CCDC18: variants seen among roughly 807,000 people sequenced by gnomAD.
The protein encoded by CCDC18 is coiled-coil domain-containing protein 18.
A neutral mutation model predicts 196.0 loss-of-function variants in CCDC18; 157 were observed. The observed-to-expected ratio is 0.80, with a 90% CI of 0.70 to 0.91. The LOEUF (loss-of-function observed/expected upper bound fraction) is 0.91, where lower values mean the gene tolerates loss of function less well. Among genes scored for constraint, CCDC18 ranks in the 40% least tolerant of loss-of-function variants. The probability of loss-of-function intolerance (pLI) is 0.00; values close to 1 mark genes in which losing one functional copy is unlikely to be tolerated. For missense variants in CCDC18, 1,465 were observed against 1,611.6 expected, an observed-to-expected ratio of 0.91 and a Z score of 1.56; for synonymous variants, 482 against 529.2, an observed-to-expected ratio of 0.91 and a Z score of 1.22.
chr1:93,213,595 A>C (rs901775583), intron 11 of CCDC18, among the ~76,000 whole-genome samples: 3 of 151,996 alleles, frequency 2.0e-5, no homozygotes, highest in Admixed American at 6.6e-5. Context: ...CAAAATAGTT[A>C]TCTCTTGTGA....
intron 27 of CCDC18, 69 bp from the exon 28 acceptor site, chr1:93,270,278 A>G: frequency 2.4e-6 from 2 of 846,356 alleles, no homozygotes; most frequent in Non-Finnish European, 3.7e-6. Context: ...AAAGTCTATG[A>G]TTTTCTAAGG....
At chr1:93,218,530 GAT>G (rs926877523) in intron 14 of CCDC18, among the ~76,000 whole-genome samples, 4 of 150,996 alleles carry the variant, frequency 2.6e-5, no homozygotes, top group Admixed American at 6.6e-5. Context: ...TTTTTTTTGA[GAT>G]AGAGTCTCGC....
intron 25 of CCDC18, among the ~76,000 whole-genome samples, chr1:93,256,744 T>G (rs1478447569): frequency 2.0e-5 from 3 of 152,206 alleles, no homozygotes; most frequent in African/African-American, 7.2e-5. Context: ...AATAATGAAC[T>G]GTGTTATATA....
chr1:93,264,283 G>A (rs769205232), intron 26 of CCDC18, among the ~76,000 whole-genome samples: 13 of 152,116 alleles, frequency 8.5e-5, no homozygotes, highest in African/African-American at 2.4e-4. Flanking sequence ...ATGGGGATAC[G>A]GAGCCAAACT....
Position 93,193,162 on chromosome 1 carries a change from T to C in CCDC18, c.570-454T>C, listed in dbSNP as rs532009427. 5.9e-5 allele frequency among the ~76,000 whole-genome samples: 9 copies of C among 152,036 alleles called. No individual in the cohort carries two copies. The East Asian group carries it at 1.7e-3, about 29-fold the overall frequency. ...GGTAGCTAATGGTATTATCAGCAAA[T>C]AAAAAAAATTTTGTTTCTGAGTCAA... On this transcript the variant is annotated intron_variant, in intron 5 of 28. Transcript: ENST00000690025.
Position 93,216,632 on chromosome 1 carries a change from T to C in CCDC18, c.1720-4T>C. The C allele has an allele frequency of 7.0e-7, 1 of 1,428,670 alleles. No homozygotes were observed. Among genetic ancestry groups the C allele is most frequent in the East Asian group, 2.4e-5 (1 of 42,136 alleles). 88.5% of individuals were successfully genotyped at this position (1,428,670 alleles called of 1,614,324 possible). A position where few individuals can be genotyped will look rare whatever the true frequency, so the allele number is the denominator to read the frequency against. On this transcript the variant is annotated splice_polypyrimidine_tract_variant and splice_region_variant and intron_variant, in intron 12 of 28. Coordinates refer to ENST00000690025, the MANE Select transcript of CCDC18 (RefSeq NM_001378204.1). ...ATTTTACATTTATTTCAATGTGTTTTCAGATGACAAAGAAATGTTCTCAAC... is the reference window on the plus strand; with the variant it reads ...ATTTTACATTTATTTCAATGTGTTTCCAGATGACAAAGAAATGTTCTCAAC...
chr1:93,270,492 C>A lies in CCDC18; in HGVS notation c.4031C>A (p.Ser1344Tyr), dbSNP rs879056968. Reference protein sequence around the residue: ...DPKFAKCFHTSFSKCTKLRRS... With the variant: ...DPKFAKCFHTYFSKCTKLRRS... The stretch of plus-strand genomic sequence containing the variant: ...AAATTTGCTAAATGTTTTCACACAT[C>A]TTTTTCCAAGTGTACAAAATTACGT... Residue 1344 changes from serine (S) to tyrosine (Y), a missense_variant, in exon 28 of 29, where the codon TCT (serine) becomes TAT (tyrosine). Ser to Tyr is a moderately radical substitution (Grantham distance 144, BLOSUM62 -2). Transcript: ENST00000690025. The A allele has an allele frequency of 1.9e-6, 3 of 1,550,366 alleles. No individual in the cohort carries two copies. The highest frequency in any genetic ancestry group is 2.4e-5 in the South Asian group (2 of 84,056).
chr1:93,210,992 A>C, intron 10 of CCDC18, 66 bp downstream of exon 10: 1 of 1,545,486 alleles, frequency 6.5e-7, no homozygotes, highest in Non-Finnish European at 8.9e-7. Context: ...AAGACCCTTA[A>C]TTGGCCGGGC....
chr1:93,210,909 G>A lies in CCDC18; in HGVS notation c.1317G>A (p.Leu439=). ...RCIGCCEANK[L]VISELRIKLA... is the part of the protein sequence containing the mutation. ...TTGGCTGCTGTGAGGCAAATAAATTGGTGATTTCGGAATTGAGGTACAATT... is the reference window on the plus strand; with the variant it reads ...TTGGCTGCTGTGAGGCAAATAAATTAGTGATTTCGGAATTGAGGTACAATT... Residue 439 remains leucine (L), a synonymous_variant, in exon 10 of 29, where the codon TTG becomes TTA. Coordinates refer to ENST00000690025, the MANE Select transcript of CCDC18 (RefSeq NM_001378204.1). The A allele has an allele frequency of 6.2e-7, 1 of 1,613,654 alleles. No individual in the cohort carries two copies. The highest frequency in any genetic ancestry group is 1.1e-5 in the South Asian group (1 of 91,036).
chr1:93,217,931 C>A, intron 14 of CCDC18, 62 bp downstream of exon 14: 2 of 1,356,262 alleles, frequency 1.5e-6, no homozygotes, highest in Non-Finnish European at 1.0e-6. Context: ...CTAGCCCCAG[C>A]ATTTTTTATT....
At chr1:93,268,633 C>G (rs890466344) in intron 27 of CCDC18, among the ~76,000 whole-genome samples, 3 of 152,044 alleles carry the variant, frequency 2.0e-5, no homozygotes, top group African/African-American at 4.8e-5. Context: ...ACAGACACTT[C>G]TCAAAAGAAG....
chr1:93,250,810 A>T (rs1662138138), intron 23 of CCDC18, among the ~76,000 whole-genome samples: 1 of 152,138 alleles, frequency 6.6e-6, no homozygotes, highest in Non-Finnish European at 1.5e-5. Context: ...ATTTGAATGG[A>T]ACATCTTTTT....
chr1:93,193,535 T>C, intron 5 of CCDC18, 81 bp from the exon 6 acceptor site: 1 of 908,370 alleles, frequency 1.1e-6, no homozygotes, highest in East Asian at 3.1e-5. Context: ...TAAACAAATA[T>C]AATTCCTAAT....
chr1:93,253,727 C>G (rs1165024382), intron 23 of CCDC18, among the ~76,000 whole-genome samples: 7 of 152,190 alleles, frequency 4.6e-5, no homozygotes, highest in Admixed American at 4.6e-4. Context: ...TTATGGACCC[C>G]TTTTCAGATG....
chr1:93,242,579 C>T (rs1660960357), intron 21 of CCDC18, among the ~76,000 whole-genome samples: 1 of 152,208 alleles, frequency 6.6e-6, no homozygotes, highest in African/African-American at 2.4e-5. Flanking sequence ...GCCTTCCCAA[C>T]AGTCTCTCAA....
Position 93,214,813 on chromosome 1 carries a change from T to C in CCDC18, c.1566T>C (p.Val522=). 1 of 1,613,544 alleles carries C rather than the reference T, an allele frequency of 6.2e-7. No homozygotes were observed. The highest frequency in any genetic ancestry group is 1.1e-5 in the South Asian group (1 of 91,056). ...ATGAAAAAGAGAGGCAAAGACTTGT[T>C]ACTGGAATAGAAGAACTACGTACTA... ...KQYEKERQRL[V]TGIEELRTKL... The change falls in exon 12 of 29, where the codon GTT becomes GTC. Residue 522 remains valine, a synonymous_variant. Coordinates refer to ENST00000690025, the MANE Select transcript of CCDC18 (RefSeq NM_001378204.1).
At chr1:93,265,575 T>C (rs1404714968) in intron 27 of CCDC18, among the ~76,000 whole-genome samples, 1 of 152,190 alleles carries the variant, frequency 6.6e-6, no homozygotes, top group Non-Finnish European at 1.5e-5. Context: ...GTGCCAACTC[T>C]ACAACTGTTT....
intron 3 of CCDC18, among the ~76,000 whole-genome samples, chr1:93,185,446 T>TTTCTAATAGTTCAACCC (rs1650480370): frequency 6.6e-6 from 1 of 151,954 alleles, no homozygotes. Flanking sequence ...AGTTCAAGTA[T>TTTCTAATAGTTCAACCC]CCAGTAATAG....
intron 26 of CCDC18, among the ~76,000 whole-genome samples, chr1:93,259,453 A>G (rs541058896): frequency 2.4e-4 from 37 of 152,196 alleles, no homozygotes; most frequent in Non-Finnish European, 2.8e-4. Context: ...ACATTTAAAG[A>G]TATTACCCAA....
Sources: gnomAD v4.1 joint callset for allele counts (sites outside exome capture counted in the v4.1 genomes callset) on GRCh38, gnomAD v4.1.1 for gene constraint, MANE v1.5 for transcripts, NCBI Gene and HGNC (gene_info 2026-07-23, HGNC 2026-07-21) for gene names.